The following LINGO2 variants were observed in gnomAD, a reference collection of about 807,000 sequenced individuals.
LINGO2 encodes leucine-rich repeat and immunoglobulin-like domain-containing nogo receptor-interacting protein 2.
LINGO2 carries 14 observed loss-of-function variants against 30.6 expected under a neutral mutation model. That is an observed-to-expected ratio of 0.46 (90% CI 0.30 to 0.72). LINGO2 has a LOEUF of 0.72. Ranked by LOEUF, LINGO2 falls within the 30% of genes least tolerant of loss-of-function variation. The pLI is 0.07. For synonymous variants in LINGO2, 317 were observed against 288.5 expected (o/e 1.10, Z -1.00); for missense variants, 729 against 751.7 (o/e 0.97, Z 0.35).
chr9:28,214,117 G>T (rs1184393762), intron 4 of LINGO2, among the ~76,000 whole-genome samples: 1 of 151,504 alleles, frequency 6.6e-6, no homozygotes, highest in East Asian at 1.9e-4. Flanking sequence ...TATTGGAGTA[G>T]AGAGAAAGTA....
At chr9:28,033,356 CTG>C (rs769425916) in intron 4 of LINGO2, among the ~76,000 whole-genome samples, 7 of 152,122 alleles carry the variant, frequency 4.6e-5, no homozygotes, top group Non-Finnish European at 8.8e-5. Flanking sequence ...GTTGGAGACA[CTG>C]TGGCAATGCT....
chr9:28,672,618 A>G (rs1285681857), upstream of LINGO2, among the ~76,000 whole-genome samples: 1 of 152,160 alleles, frequency 6.6e-6, no homozygotes, highest in Non-Finnish European at 1.5e-5. Context: ...CCATATCTTT[A>G]ATTTGATTAA....
At chr9:28,167,574 G>A (rs1002346687) in intron 4 of LINGO2, among the ~76,000 whole-genome samples, 2 of 152,090 alleles carry the variant, frequency 1.3e-5, no homozygotes, top group East Asian at 1.9e-4. Context: ...TTTAGTAGAG[G>A]TGGGGTTTTG....
At chr9:28,357,044 G>T (rs1340096139) in intron 3 of LINGO2, among the ~76,000 whole-genome samples, 1 of 152,002 alleles carries the variant, frequency 6.6e-6, no homozygotes, top group African/African-American at 2.4e-5. Flanking sequence ...AATGAATGTG[G>T]CAATAATGCA....
At chr9:28,885,866 T>G in the LINGO2 span, among the ~76,000 whole-genome samples, 1 of 152,134 alleles carries the variant, frequency 6.6e-6, no homozygotes, top group East Asian at 1.9e-4. Context: ...AACAGCTGAA[T>G]TCTCCAGAGA....
the LINGO2 span, among the ~76,000 whole-genome samples, chr9:29,100,594 C>CA: frequency 0.034 from 4,370 of 129,910 alleles, 190 homozygotes; most frequent in African/African-American, 0.11. Flanking sequence ...ACTCTTATCT[C>CA]AAAAAAAAAA....
intron 2 of LINGO2, among the ~76,000 whole-genome samples, chr9:28,409,408 C>T (rs929655337): frequency 6.6e-6 from 1 of 152,010 alleles, no homozygotes; most frequent in Non-Finnish European, 1.5e-5. Flanking sequence ...TACAATTTTA[C>T]AATGTTTTAT....
chr9:28,797,781 G>A, the LINGO2 span, among the ~76,000 whole-genome samples: 1 of 152,052 alleles, frequency 6.6e-6, no homozygotes, highest in African/African-American at 2.4e-5. Context: ...TGATAATTGA[G>A]AATGCAAGGC....
At chr9:29,119,356 C>G in the LINGO2 span, among the ~76,000 whole-genome samples, 1 of 146,096 alleles carries the variant, frequency 6.8e-6, no homozygotes, top group African/African-American at 2.6e-5. Context: ...TATGCATGCA[C>G]GTGTGCGCGC....
At chr9:27,960,821 G>A (rs1819806832) in intron 5 of LINGO2, among the ~76,000 whole-genome samples, 1 of 151,710 alleles carries the variant, frequency 6.6e-6, no homozygotes, top group Non-Finnish European at 1.5e-5. Context: ...CTGTCTATTT[G>A]TCCCTTGCAT....
intron 4 of LINGO2, among the ~76,000 whole-genome samples, chr9:28,248,608 T>G (rs1822088048): frequency 6.6e-6 from 1 of 152,122 alleles, no homozygotes; most frequent in Non-Finnish European, 1.5e-5. Context: ...TTAAAATAAC[T>G]AAGAGTATAA....
chr9:28,027,060 C>A lies in LINGO2; in HGVS notation c.-86-14655G>T, dbSNP rs532141349. ...CACCATGACATTCTCATTCACTTAA[C>A]AAACTTGACCTGTTGTTGTTGCATC... On this transcript the variant is annotated intron_variant, in intron 4 of 5. Coordinates refer to ENST00000379992, the Ensembl canonical transcript of LINGO2. 3.3e-5 allele frequency among the ~76,000 whole-genome samples: 5 copies of A among 152,278 alleles called. No individual in the cohort carries two copies. In the South Asian group the frequency reaches 8.3e-4, roughly 25 times the overall value.
intron 4 of LINGO2, among the ~76,000 whole-genome samples, chr9:28,198,091 T>TA (rs1478589277): frequency 6.6e-6 from 1 of 151,570 alleles, no homozygotes; most frequent in Non-Finnish European, 1.5e-5. Flanking sequence ...TTTTTTTTTT[T>TA]ACTCAGTTTA....
At chr9:28,671,423 T>C (rs1214989548), upstream of LINGO2, among the ~76,000 whole-genome samples, 1 of 146,222 alleles carries the variant, frequency 6.8e-6, no homozygotes, top group Non-Finnish European at 1.5e-5. Flanking sequence ...ATGTGGTACA[T>C]ATCAACACAA....
At chr9:27,949,423 A>G (rs2118283877) in exon 6 of LINGO2, 1 of 1,614,126 alleles carries the variant, frequency 6.2e-7, no homozygotes, top group Non-Finnish European at 8.5e-7. Flanking sequence ...AGATGCTGCA[A>G]CTTCTTTTCA....
intron 2 of LINGO2, among the ~76,000 whole-genome samples, chr9:28,454,190 T>C (rs1264857749): frequency 1.3e-5 from 2 of 152,058 alleles, no homozygotes; most frequent in African/African-American, 4.8e-5. Flanking sequence ...CTTTATTAAC[T>C]CTCAGATTCT....
the LINGO2 span, among the ~76,000 whole-genome samples, chr9:29,015,597 T>C: frequency 6.6e-6 from 1 of 152,182 alleles, no homozygotes; most frequent in Non-Finnish European, 1.5e-5. Flanking sequence ...CACAATTTGC[T>C]GACCCCTGGT....
intron 2 of LINGO2, among the ~76,000 whole-genome samples, chr9:28,439,370 G>T: frequency 6.6e-6 from 1 of 151,958 alleles, no homozygotes; most frequent in African/African-American, 2.4e-5. Flanking sequence ...AAATGTTTAT[G>T]GTTCTCTTGG....
the LINGO2 span, among the ~76,000 whole-genome samples, chr9:28,983,923 G>A: frequency 2.7e-4 from 41 of 151,920 alleles, no homozygotes; most frequent in Non-Finnish European, 4.4e-4. Flanking sequence ...ATCATCCTTG[G>A]TCTGTATCTG....
Sources: allele counts gnomAD v4.1 joint callset (sites outside exome capture counted in the v4.1 genomes callset), GRCh38; gene constraint gnomAD v4.1.1; transcripts MANE v1.5; gene names NCBI Gene and HGNC (gene_info 2026-07-23, HGNC 2026-07-21).